The following CDC42BPA variants were observed in gnomAD, a reference collection of about 807,000 sequenced individuals.
The protein encoded by CDC42BPA is CDC42 binding protein kinase alpha.
Under a neutral mutation model 223.5 loss-of-function variants are expected in CDC42BPA, and 80 were observed. The ratio of observed to expected loss-of-function variants is 0.36; its 90% CI spans 0.30 to 0.43. The LOEUF is 0.43. Among genes scored for constraint, CDC42BPA ranks in the 20% least tolerant of loss-of-function variants. The pLI is 1.00. For missense variants in CDC42BPA, 1,743 were observed against 2,099.9 expected (o/e 0.83, Z 3.32); for synonymous variants, 694 against 718.6 (o/e 0.97, Z 0.55).
At chr1:227,178,135 T>A (rs1007922752) in intron 5 of CDC42BPA, among the ~76,000 whole-genome samples, 2 of 152,212 alleles carry the variant, frequency 1.3e-5, no homozygotes, top group Non-Finnish European at 2.9e-5. Context: ...ACGTGGATCA[T>A]CTTGAGTTGC....
At chr1:226,997,359 T>A (rs890334720) in intron 35 of CDC42BPA, among the ~76,000 whole-genome samples, 2 of 152,152 alleles carry the variant, frequency 1.3e-5, no homozygotes, top group Non-Finnish European at 2.9e-5. Flanking sequence ...TTCTTATTAG[T>A]CTGGCTAGCG....
At chr1:227,042,303 T>G (rs202015184) in intron 23 of CDC42BPA, among the ~76,000 whole-genome samples, 10,588 of 150,954 alleles carry the variant, frequency 0.07, 624 homozygotes, top group East Asian at 0.26. Flanking sequence ...ATATGATATA[T>G]ATATATATAT....
rs1694205040 is a variant in CDC42BPA at position 227,315,373 on chromosome 1, A to G, written c.178+1632T>C. ...TAAAACTACTTACCTAAACTCTAAT[A>G]ATCAGAAGGCAATGGAGGATACAGT... On this transcript the variant is annotated intron_variant, in intron 1 of 36. Transcript: ENST00000366766. Among the ~76,000 whole-genome samples, 5 of 152,104 alleles carry G rather than the reference A, an allele frequency of 3.3e-5. No homozygotes were observed. The South Asian group carries it at 6.2e-4, about 19-fold the overall frequency.
rs1036610280 is a variant in CDC42BPA, at chr1:226,994,606, G to A, written c.5134-207C>T. Among the ~76,000 whole-genome samples the A allele has an allele frequency of 2.0e-5, 3 of 152,118 alleles. No homozygotes were observed. The highest frequency in any genetic ancestry group is 7.2e-5 in the African/African-American group (3 of 41,410). On this transcript the variant is annotated intron_variant, in intron 36 of 36. Transcript: ENST00000366766. The surrounding 1 kb of genome is among the most constrained non-coding windows in gnomAD (Gnocchi z 4.0). ...CTTTCTGTAGGCCTTTACAGATGAT[G>A]GTATTTTCACACAAAAGCCAGAAGT...
intron 1 of CDC42BPA, among the ~76,000 whole-genome samples, chr1:227,301,388 T>C (rs1691599578): frequency 6.7e-6 from 1 of 149,794 alleles, no homozygotes; most frequent in South Asian, 2.1e-4. Context: ...TGAGACGAAG[T>C]CTCACTCTGT....
At chr1:227,293,784 C>T (rs1690122687) in intron 1 of CDC42BPA, among the ~76,000 whole-genome samples, 1 of 152,134 alleles carries the variant, frequency 6.6e-6, no homozygotes, top group South Asian at 2.1e-4. Flanking sequence ...GCACTCCAGC[C>T]TGGGCAACAA....
chr1:227,187,687 C>CCG (rs1669050737), intron 5 of CDC42BPA, among the ~76,000 whole-genome samples: 1 of 80,448 alleles, frequency 1.2e-5, no homozygotes, highest in African/African-American at 5.0e-5. Flanking sequence ...CCACCCCCCC[C>CCG]CCAAAAAAAA....
At chr1:227,133,996 T>TAAATAAATAAATAAAC (rs1167807097) in intron 10 of CDC42BPA, among the ~76,000 whole-genome samples, 1 of 151,564 alleles carries the variant, frequency 6.6e-6, no homozygotes, top group Non-Finnish European at 1.5e-5. Flanking sequence ...AATAAATAAA[T>TAAATAAATAAATAAAC]AAAAAAGAAA....
chr1:227,215,652 A>G (rs1397718825), intron 2 of CDC42BPA, among the ~76,000 whole-genome samples: 2 of 152,156 alleles, frequency 1.3e-5, no homozygotes, highest in African/African-American at 4.8e-5. Flanking sequence ...AGTGTTAGCT[A>G]TGATTATGTG....
chr1:227,036,272 A>C (rs12401963), intron 24 of CDC42BPA, among the ~76,000 whole-genome samples: 23,445 of 152,074 alleles, frequency 0.15, 2,190 homozygotes, highest in African/African-American at 0.25. Context: ...GATGACAAAA[A>C]TCATCCAAAC....
intron 11 of CDC42BPA, among the ~76,000 whole-genome samples, chr1:227,125,119 C>T (rs1689320331): frequency 6.6e-6 from 1 of 151,766 alleles, no homozygotes; most frequent in African/African-American, 2.4e-5. Flanking sequence ...CCTGCTCTTT[C>T]TAGCCAAAGG....
chr1:227,126,516 GAAGGTAAGA>G (rs776706627), intron 11 of CDC42BPA, among the ~76,000 whole-genome samples: 8,943 of 99,294 alleles, frequency 0.09, 451 homozygotes, highest in Middle Eastern at 0.14. Flanking sequence ...AGGAAGGAAG[GAAGGTAAGA>G]AAGGAAAAAG....
intron 6 of CDC42BPA, among the ~76,000 whole-genome samples, chr1:227,154,106 A>AT (rs1662288573): frequency 6.6e-6 from 1 of 152,004 alleles, no homozygotes; most frequent in Non-Finnish European, 1.5e-5. Flanking sequence ...ATTTACTCAA[A>AT]GAATGAATGA....
intron 1 of CDC42BPA, 65 bp from the exon 2 acceptor site, chr1:227,254,220 A>G: frequency 2.4e-6 from 2 of 828,598 alleles, no homozygotes; most frequent in East Asian, 5.5e-5. Flanking sequence ...GATATAAATA[A>G]TGGTGTTTCT....
At chr1:227,120,123 G>A (rs1473923848) in intron 11 of CDC42BPA, among the ~76,000 whole-genome samples, 186 bp from the exon 12 acceptor site, 2 of 151,638 alleles carry the variant, frequency 1.3e-5, no homozygotes, top group Non-Finnish European at 2.9e-5. Context: ...ACGGTGAATG[G>A]TGTATGCCAG....
At chr1:227,031,544 T>A (rs1669293790) in intron 27 of CDC42BPA, 30 bp from the exon 28 acceptor site, 1 of 1,560,380 alleles carries the variant, frequency 6.4e-7, no homozygotes. Context: ...ATTCATGATA[T>A]TAGAAAACAG....
chr1:227,296,860 T>A (rs1690736831), intron 1 of CDC42BPA, among the ~76,000 whole-genome samples: 1 of 147,832 alleles, frequency 6.8e-6, no homozygotes, highest in Non-Finnish European at 1.5e-5. Flanking sequence ...AACTTGTATA[T>A]CATTAATGCA....
intron 21 of CDC42BPA, among the ~76,000 whole-genome samples, chr1:227,062,697 G>A (rs1173295307): frequency 6.6e-6 from 1 of 151,988 alleles, no homozygotes; most frequent in Non-Finnish European, 1.5e-5. Context: ...ACATTGCATA[G>A]TGTGTAACTA....
At chr1:227,303,005 GGGTTT>G (rs1281190961) in intron 1 of CDC42BPA, among the ~76,000 whole-genome samples, 1 of 116,060 alleles carries the variant, frequency 8.6e-6, no homozygotes, top group Non-Finnish European at 1.9e-5. Flanking sequence ...TGGTTTTTTT[GGGTTT>G]TTTTTTTTTT....
Sources: gnomAD v4.1 joint callset for allele counts (sites outside exome capture counted in the v4.1 genomes callset) on GRCh38, gnomAD v4.1.1 for gene constraint, Gnocchi (gnomAD v3.1) non-coding constraint, MANE v1.5 for transcripts, NCBI Gene and HGNC (gene_info 2026-07-23, HGNC 2026-07-21) for gene names.